The following COL6A5 variants were observed in gnomAD, a reference collection of about 807,000 sequenced individuals.
COL6A5 encodes the protein collagen alpha-5(VI) chain.
Under a neutral mutation model 65.6 loss-of-function variants are expected in COL6A5, and 48 were observed. The ratio of observed to expected loss-of-function variants is 0.73; its 90% CI spans 0.58 to 0.93. The LOEUF is 0.93. Ranked by LOEUF, COL6A5 falls within the 40% of genes least tolerant of loss-of-function variation. COL6A5 has a pLI of 0.00. For synonymous variants in COL6A5, 291 were observed against 322.8 expected (o/e 0.90, Z 1.05); for missense variants, 914 against 928.3 (o/e 0.98, Z 0.20).
At chr3:130,407,495 GA>G (rs1212239797) in intron 17 of COL6A5, among the ~76,000 whole-genome samples, 1 of 152,228 alleles carries the variant, frequency 6.6e-6, no homozygotes, top group Non-Finnish European at 1.5e-5. Context: ...CAGATCTGTA[GA>G]AATCAGGTGA....
chr3:130,438,237 C>T (rs1454910335), intron 1 of COL6A5, among the ~76,000 whole-genome samples: 1 of 152,180 alleles, frequency 6.6e-6, no homozygotes, highest in Non-Finnish European at 1.5e-5. Flanking sequence ...CCTCGTGATC[C>T]ACCTGCCTTG....
chr3:130,449,164 G>A (rs1490316291), intron 4 of COL6A5, among the ~76,000 whole-genome samples: 1 of 152,130 alleles, frequency 6.6e-6, no homozygotes, highest in African/African-American at 2.4e-5. Context: ...ATCCAAATGG[G>A]TATGTCGGAT....
At chr3:130,459,589 A>G in intron 5 of COL6A5, among the ~76,000 whole-genome samples, 1 of 152,054 alleles carries the variant, frequency 6.6e-6, no homozygotes, top group East Asian at 1.9e-4. Context: ...ATGAATTATC[A>G]AGTCACTTTT....
intron 5 of COL6A5, among the ~76,000 whole-genome samples, chr3:130,386,848 G>A (rs903993850): frequency 6.6e-6 from 1 of 152,026 alleles, no homozygotes. Flanking sequence ...GGCTAACAGA[G>A]AAGCAGGAAA....
Position 130,436,387 on chromosome 3 carries a change from A to G in COL6A5, c.488-3135A>G, listed in dbSNP as rs75147692. Among the ~76,000 whole-genome samples, 317 of 152,168 alleles carry G rather than the reference A, an allele frequency of 2.1e-3. 3 individuals carry two copies. In the East Asian group the frequency reaches 0.028, roughly 14 times the overall value. ...CCAATCAGGAGAGAGAAATAAAACA[A>G]CTTTCTGACCTAGATTTTCAGCTAC... is the stretch of plus-strand genomic sequence containing the variant. On this transcript the variant is annotated intron_variant, in intron 1 of 7. Coordinates refer to ENST00000512836, the Ensembl canonical transcript of COL6A5.
At chr3:130,477,110 A>C (rs1465500181) in intron 7 of COL6A5, 1 of 1,465,168 alleles carries the variant, frequency 6.8e-7, no homozygotes, top group Non-Finnish European at 9.2e-7. Context: ...TACTTTCGTC[A>C]TAGTGATTCA....
chr3:130,429,906 C>T (rs932365231), upstream of COL6A5, among the ~76,000 whole-genome samples: 12 of 152,170 alleles, frequency 7.9e-5, no homozygotes, highest in African/African-American at 1.9e-4. Flanking sequence ...CTGCTGCTGA[C>T]GCCCTTGACA....
chr3:130,450,403 A>C (rs28792414), intron 4 of COL6A5, among the ~76,000 whole-genome samples: 1 of 151,880 alleles, frequency 6.6e-6, no homozygotes, highest in Non-Finnish European at 1.5e-5. Context: ...CAACAGTGCA[A>C]TTTTTTCCAG....
At chr3:130,415,156 G>A (rs1497308) in intron 22 of COL6A5, among the ~76,000 whole-genome samples, 87,688 of 151,958 alleles carry the variant, frequency 0.58, 28,083 homozygotes, top group Non-Finnish European at 0.73. Context: ...GCTTCTGTGT[G>A]AGATAACCGC....
intron 4 of COL6A5, among the ~76,000 whole-genome samples, chr3:130,445,947 C>A (rs1333573759): frequency 6.6e-6 from 1 of 152,074 alleles, no homozygotes; most frequent in African/African-American, 2.4e-5. Context: ...ATTTTTAGGG[C>A]ATGGTTTTCC....
chr3:130,440,310 A>G (rs1308128426), exon 3 of COL6A5: 3 of 1,613,248 alleles, frequency 1.9e-6, no homozygotes, highest in Non-Finnish European at 2.5e-6. Flanking sequence ...TCAGTGATTG[A>G]CAACTTCAAC....
At chr3:130,468,607 C>T (rs1709872119) in intron 5 of COL6A5, among the ~76,000 whole-genome samples, 188 bp from the exon 38 acceptor site, 1 of 151,986 alleles carries the variant, frequency 6.6e-6, no homozygotes, top group Non-Finnish European at 1.5e-5. Context: ...GGTAATGGCT[C>T]TGCATGCGCT....
At chr3:130,431,169 G>C, upstream of COL6A5, 1 of 669,040 alleles carries the variant, frequency 1.5e-6, no homozygotes, top group South Asian at 1.6e-5. Context: ...ACACAGAAGA[G>C]TTCCATCAGC....
At chr3:130,460,836 TGAG>T (rs1459540792) in intron 5 of COL6A5, among the ~76,000 whole-genome samples, 1 of 151,038 alleles carries the variant, frequency 6.6e-6, no homozygotes, top group East Asian at 1.9e-4. Context: ...ATGGTGATAG[TGAG>T]GAGGTGATAG....
At chr3:130,426,320 T>G (rs1937601392) in intron 30 of COL6A5, 47 bp from the exon 31 acceptor site, 1 of 1,550,684 alleles carries the variant, frequency 6.4e-7, no homozygotes, top group Non-Finnish European at 8.7e-7. Flanking sequence ...TACTCAAAAG[T>G]CACTGTACTT....
chr3:130,407,759 A>G (rs1157271772), intron 17 of COL6A5, among the ~76,000 whole-genome samples: 1 of 152,248 alleles, frequency 6.6e-6, no homozygotes, highest in South Asian at 2.1e-4. Flanking sequence ...AGAGTCAGTC[A>G]ATATGCCTGC....
At chr3:130,467,748 T>C (rs945007143) in intron 5 of COL6A5, among the ~76,000 whole-genome samples, 3 of 152,112 alleles carry the variant, frequency 2.0e-5, no homozygotes, top group Non-Finnish European at 4.4e-5. Context: ...ACAGCATTAA[T>C]ACAGGTTGAC....
At chr3:130,440,756 G>T in exon 3 of COL6A5, 1 of 1,613,260 alleles carries the variant, frequency 6.2e-7, no homozygotes. Flanking sequence ...GATACAGCTT[G>T]GGAGAATACA....
chr3:130,398,120 TTG>T lies in COL6A5; in HGVS notation c.3991+11_3991+12del. 7.0e-7 allele frequency: 1 copy of T among 1,436,546 alleles called. No homozygotes were observed. The highest frequency in any genetic ancestry group is 9.3e-7 in the Non-Finnish European group (1 of 1,078,916). The allele number at this position is 1,436,546 out of a possible 1,614,324, so 89.0% of individuals were successfully genotyped here. A position where few individuals can be genotyped will look rare whatever the true frequency, so the allele number is the denominator to read the frequency against. On this transcript the variant is annotated intron_variant and NMD_transcript_variant, in intron 10 of 41. Transcript: ENST00000312481. ...CAGGCTCAGAGAAGCAGGTATTGAGTTGTTGTTGTTTTTTTTTTTTTTTTTTT... is the reference window on the plus strand; with the variant it reads ...CAGGCTCAGAGAAGCAGGTATTGAGTTTGTTGTTTTTTTTTTTTTTTTTTT...
Sources: gnomAD v4.1 joint callset for allele counts (sites outside exome capture counted in the v4.1 genomes callset) on GRCh38, gnomAD v4.1.1 for gene constraint, MANE v1.5 for transcripts, NCBI Gene and HGNC (gene_info 2026-07-23, HGNC 2026-07-21) for gene names.